CSDE1: variants seen among roughly 807,000 people sequenced by gnomAD.
The protein encoded by CSDE1 is cold shock domain containing E1, also known as cold shock domain-containing protein E1.
In CSDE1, 17 loss-of-function variants were observed where a neutral mutation model predicts 89.3. That is an observed-to-expected ratio of 0.19 (90% confidence interval 0.13 to 0.29). CSDE1 has a LOEUF of 0.29. CSDE1 is among the 10% of genes least tolerant of loss of function. CSDE1 has a pLI of 1.00. For synonymous variants in CSDE1, 322 were observed against 332.8 expected (o/e 0.97, Z 0.35); for missense variants, 672 against 984.2 (o/e 0.68, Z 4.24).
chr1:114,724,163 AGCT>A (rs1180463095), intron 15 of CSDE1, 161 bp from the exon 16 acceptor site: 1 of 584,770 alleles, frequency 1.7e-6, no homozygotes, highest in Non-Finnish European at 2.9e-6. Flanking sequence ...TTTTTAGAAC[AGCT>A]GCTGGACTTT....
intron 12 of CSDE1, 73 bp downstream of exon 12, chr1:114,730,185 C>T: frequency 6.6e-7 from 1 of 1,506,890 alleles, no homozygotes; most frequent in South Asian, 1.2e-5. Context: ...TATATGTACT[C>T]TATTACTATG....
Position 114,726,480 on chromosome 1 carries a change from CT to C in CSDE1, c.1465-95del, listed in dbSNP as rs1570903202. On this transcript the variant is annotated intron_variant, in intron 13 of 19. Coordinates refer to ENST00000358528, the MANE Select transcript of CSDE1 (RefSeq NM_001007553.3). ...AGACCTATAACTCCCCCAGCGCATG[CT>C]TTTCATTCCAAATATCCTTTGTTAT... is the stretch of plus-strand genomic sequence containing the variant. 6 of 933,050 alleles carry C rather than the reference CT, an allele frequency of 6.4e-6. No homozygotes were observed. The East Asian group carries it at 1.6e-4, about 25-fold the overall frequency. The allele number at this position is 933,050 out of a possible 1,614,324, so 57.8% of individuals were successfully genotyped here.
chr1:114,732,912 T>A (rs1660183035), intron 9 of CSDE1, 96 bp from the exon 10 acceptor site: 2 of 1,080,784 alleles, frequency 1.9e-6, no homozygotes, highest in African/African-American at 1.6e-5. Context: ...ATGTTATTTT[T>A]AACTTAGTTC....
intron 10 of CSDE1, among the ~76,000 whole-genome samples, chr1:114,730,897 CAT>C (rs1277221094): frequency 2.0e-5 from 3 of 152,190 alleles, no homozygotes; most frequent in Non-Finnish European, 2.9e-5. Flanking sequence ...AAAATTACCA[CAT>C]GTGAACGTAA....
At position 114,730,632 on chromosome 1, in the gene CSDE1, A is replaced by G. The variant is rs995267452; in HGVS notation, c.1067T>C (p.Met356Thr). The G allele has an allele frequency of 3.7e-6, 6 of 1,613,736 alleles. No homozygotes were observed. The African/African-American group carries it at 6.7e-5, about 18-fold the overall frequency. Residue 356 changes from methionine (M) to threonine (T), a missense_variant, in exon 11 of 20, where the codon ATG (methionine) becomes ACG (threonine). Physicochemically the swap from Met to Thr is moderately conservative, Grantham distance 81. This residue lies in a region of CSDE1 where 169 missense variants were observed against 262.9 expected (regional missense o/e 0.64). Coordinates refer to ENST00000358528, the MANE Select transcript of CSDE1 (RefSeq NM_001007553.3). ...CTTGATGAAACCAAAACCATCTCTC[A>G]TGGCAGCAATCACACCCTGAAACCC... ...EAREMGVIAA[M>T]RDGFGFIKCV...
chr1:114,730,968 A>G (rs1321529030), intron 10 of CSDE1, among the ~76,000 whole-genome samples: 1 of 152,238 alleles, frequency 6.6e-6, no homozygotes, highest in Non-Finnish European at 1.5e-5. Flanking sequence ...TAATCTCCAG[A>G]AACTTCACTA....
chr1:114,746,720 G>C (rs1661030824), intron 2 of CSDE1: 1 of 152,142 alleles, frequency 6.6e-6, no homozygotes, highest in African/African-American at 2.4e-5. Flanking sequence ...TCTAAAATCA[G>C]TCTCTTACTA....
intron 1 of CSDE1, among the ~76,000 whole-genome samples, 177 bp downstream of exon 1, chr1:114,757,748 G>C (rs1661696664): frequency 6.6e-6 from 1 of 152,128 alleles, no homozygotes; most frequent in South Asian, 2.1e-4. Flanking sequence ...GGCCCAGGCA[G>C]TTGAACGGGA....
At chr1:114,738,561 T>A (rs537489014) in intron 3 of CSDE1, among the ~76,000 whole-genome samples, 1 of 152,166 alleles carries the variant, frequency 6.6e-6, no homozygotes, top group East Asian at 1.9e-4. Context: ...ATGCATCTTG[T>A]TAGCTATTAT....
Position 114,739,648 on chromosome 1 carries a change from A to G in CSDE1, c.199+44T>C, listed in dbSNP as rs929467997. The stretch of plus-strand genomic sequence containing the variant: ...TCATGAACAAATTGATATGCAAGAC[A>G]AATTTTGTGATTACATTTTTACAAA... On this transcript the variant is annotated intron_variant, in intron 3 of 19. Coordinates refer to ENST00000358528, the MANE Select transcript of CSDE1 (RefSeq NM_001007553.3). The G allele has an allele frequency of 1.9e-6, 3 of 1,543,734 alleles. No homozygotes were observed. The East Asian group carries it at 6.8e-5, about 35-fold the overall frequency.
At position 114,717,698 on chromosome 1, in the gene CSDE1, G is replaced by C. The variant is rs1199034790; in HGVS notation, c.*471C>G. 6.5e-6 allele frequency: 1 copy of C among 154,820 alleles called. No individual in the cohort carries two copies. Among genetic ancestry groups the C allele is most frequent in the Non-Finnish European group, 1.4e-5 (1 of 69,742 alleles). The allele number at this position is 154,820 out of a possible 1,614,324, so 9.6% of individuals were successfully genotyped here. A position where few individuals can be genotyped will look rare whatever the true frequency, so the allele number is the denominator to read the frequency against. On this transcript the variant is annotated 3_prime_UTR_variant, in exon 20 of 20. Coordinates refer to ENST00000358528, the MANE Select transcript of CSDE1 (RefSeq NM_001007553.3). ...AGATAATATATTCTACCCTCATATG[G>C]TCCTCAGAATTAAAGCATAATGAAC...
At chr1:114,755,108 A>C (rs551039003) in intron 1 of CSDE1, among the ~76,000 whole-genome samples, 56 of 152,370 alleles carry the variant, frequency 3.7e-4, no homozygotes, top group Non-Finnish European at 5.1e-4. Context: ...AAAAATTGAC[A>C]CTGTTACATT....
chr1:114,734,136 C>A lies in CSDE1; in HGVS notation c.583-19G>T. ...ATGCCTCCTGAAGCAAAATAAAAAA[C>A]CAAGAACATTATTACCACTCTGTAC... On this transcript the variant is annotated intron_variant, in intron 7 of 19. Transcript: ENST00000358528. The A allele has an allele frequency of 6.2e-7, 1 of 1,600,430 alleles. No homozygotes were observed. The highest frequency in any genetic ancestry group is 8.5e-7 in the Non-Finnish European group (1 of 1,176,834).
chr1:114,734,831 A>G (rs1052779957), intron 6 of CSDE1, among the ~76,000 whole-genome samples: 9 of 152,232 alleles, frequency 5.9e-5, no homozygotes, highest in African/African-American at 2.2e-4. Flanking sequence ...CTGTTTTTCT[A>G]TTTCAACAAA....
At chr1:114,742,814 A>C (rs1660802038) in intron 2 of CSDE1, among the ~76,000 whole-genome samples, 1 of 152,178 alleles carries the variant, frequency 6.6e-6, no homozygotes, top group African/African-American at 2.4e-5. Context: ...ACAACACACA[A>C]ATGTAGATTT....
Position 114,733,783 on chromosome 1 carries a change from A to G in CSDE1, c.786T>C (p.His262=), listed in dbSNP as rs1660242230. ...TAACTTTGGTTACAGTTCCTTCAAA[A>G]TGTTCAATGCTGATATCTTCAAAAA... ...TVIFEDISIE[H]FEGTVTKVIP... The change falls in exon 9 of 20, where the codon CAT becomes CAC. Residue 262 remains histidine, a synonymous_variant. Coordinates refer to ENST00000358528, the MANE Select transcript of CSDE1 (RefSeq NM_001007553.3). 3 of 1,613,874 alleles carry G rather than the reference A, an allele frequency of 1.9e-6. No homozygotes were observed. In the Admixed American group the frequency reaches 5.0e-5, roughly 27 times the overall value.
chr1:114,756,810 G>A (rs1661621924), intron 1 of CSDE1: 1 of 152,230 alleles, frequency 6.6e-6, no homozygotes, highest in Non-Finnish European at 1.5e-5. Context: ...GCAGATTCAA[G>A]CCTGTTTCAG....
At chr1:114,724,082 G>T in intron 15 of CSDE1, 80 bp from the exon 16 acceptor site, 2 of 1,483,674 alleles carry the variant, frequency 1.3e-6, no homozygotes, top group Non-Finnish European at 1.8e-6. Flanking sequence ...AAAAATAACA[G>T]CACAAATGTT....
At chr1:114,741,614 G>A (rs1660730677) in intron 2 of CSDE1, 2 of 1,548,778 alleles carry the variant, frequency 1.3e-6, no homozygotes, top group Non-Finnish European at 1.7e-6. Flanking sequence ...GTGAAGGAGG[G>A]GCTGCAGGAG....
Sources: gnomAD v4.1 joint callset for allele counts (sites outside exome capture counted in the v4.1 genomes callset) on GRCh38, gnomAD v4.1.1 for gene constraint, gnomAD v4.1.1 regional missense constraint, MANE v1.5 for transcripts, NCBI Gene and HGNC (gene_info 2026-07-23, HGNC 2026-07-21) for gene names.